The following TET1 variants were observed in gnomAD, a reference collection of about 807,000 sequenced individuals.
The protein encoded by TET1 is methylcytosine dioxygenase TET1.
Under a neutral mutation model 148.7 loss-of-function variants are expected in TET1, and 13 were observed. The ratio of observed to expected loss-of-function variants is 0.09; its 90% CI spans 0.06 to 0.14. The LOEUF (loss-of-function observed/expected upper bound fraction) is 0.14, where lower values mean the gene tolerates loss of function less well. Ranked by LOEUF, TET1 falls within the 10% of genes least tolerant of loss-of-function variation. The pLI is 1.00. For missense variants in TET1, 2,182 were observed against 2,553.8 expected, an observed-to-expected ratio of 0.85 and a Z score of 3.14; for synonymous variants, 907 against 937.2, an observed-to-expected ratio of 0.97 and a Z score of 0.59.
At chr10:68,576,158 C>T (rs1221199621) in intron 2 of TET1, among the ~76,000 whole-genome samples, 2 of 152,110 alleles carry the variant, frequency 1.3e-5, no homozygotes, top group Non-Finnish European at 2.9e-5. Flanking sequence ...CGAGACCAGC[C>T]TGGCCAACCT....
chr10:68,611,657 T>G (rs1240933525), intron 3 of TET1, among the ~76,000 whole-genome samples: 1 of 138,002 alleles, frequency 7.2e-6, no homozygotes, highest in Non-Finnish European at 1.6e-5. Context: ...TTTCTTTCTT[T>G]TCTTTTCTTT....
rs181381235 is a variant in TET1, at chr10:68,673,692, T to C, written c.4824+647T>C. On this transcript the variant is annotated intron_variant, in intron 8 of 11. Transcript: ENST00000373644. The stretch of plus-strand genomic sequence containing the variant: ...GTTTGTGTAGTGAGGATTTATATAT[T>C]GATTAACTATAAGATTGATATCTTT... Among the ~76,000 whole-genome samples, 27 of 152,164 alleles carry C rather than the reference T, an allele frequency of 1.8e-4. No homozygotes were observed. In the East Asian group the frequency reaches 3.5e-3, roughly 20 times the overall value.
At chr10:68,674,385 C>CTCGGTGGTCGCCGTAT in intron 8 of TET1, 1 of 257,370 alleles carries the variant, frequency 3.9e-6, no homozygotes, top group Non-Finnish European at 7.6e-6. Flanking sequence ...AGTGCTTGAT[C>CTCGGTGGTCGCCGTAT]CATTTTCTAA....
At chr10:68,632,458 G>A in intron 3 of TET1, 1 of 1,612,502 alleles carries the variant, frequency 6.2e-7, no homozygotes, top group Non-Finnish European at 8.5e-7. Flanking sequence ...TACTCCCTGC[G>A]CCCGGCATTC....
intron 6 of TET1, among the ~76,000 whole-genome samples, chr10:68,666,262 C>G (rs918766404): frequency 1.3e-5 from 2 of 151,992 alleles, no homozygotes; most frequent in Admixed American, 1.3e-4. Context: ...TTGCATTCAC[C>G]AAGTCAAGTA....
At chr10:68,632,469 A>C (rs188426629) in intron 3 of TET1, 2 of 1,612,804 alleles carry the variant, frequency 1.2e-6, no homozygotes, top group Admixed American at 3.3e-5. Flanking sequence ...CCCGGCATTC[A>C]ATATTGTATG....
intron 4 of TET1, among the ~76,000 whole-genome samples, chr10:68,650,545 C>A (rs1421750229): frequency 6.6e-6 from 1 of 151,942 alleles, no homozygotes; most frequent in Non-Finnish European, 1.5e-5. Context: ...ACAGGAGAAT[C>A]GCTTGAACCC....
rs1209614187 is a variant in TET1, at chr10:68,572,446, A to C, written c.108A>C (p.Lys36Asn). Reference protein sequence around the residue: ...QLRKTTKGANKNVASVKTLSP... With the variant: ...QLRKTTKGANNNVASVKTLSP... Reference sequence around the variant, plus strand: ...GAAAGACAACCAAGGGAGCCAACAAAAATGTGGCATCAGTCAAGACTTTAA... The same window carrying C: ...GAAAGACAACCAAGGGAGCCAACAACAATGTGGCATCAGTCAAGACTTTAA... The change falls in exon 2 of 12, where the codon AAA (lysine) becomes AAC (asparagine). Residue 36 changes from lysine to asparagine, a missense_variant. This residue lies in a region of TET1 where 665 missense variants were observed against 672.4 expected (regional missense o/e 0.99). Transcript: ENST00000373644. The C allele has an allele frequency of 6.2e-7, 1 of 1,614,084 alleles. No homozygotes were observed. Among genetic ancestry groups the C allele is most frequent in the Non-Finnish European group, 8.5e-7 (1 of 1,180,048 alleles).
chr10:68,664,889 C>G (rs959555944), intron 6 of TET1, among the ~76,000 whole-genome samples: 2 of 151,870 alleles, frequency 1.3e-5, no homozygotes, highest in African/African-American at 2.4e-5. Context: ...ATCCTCCCCC[C>G]TCAGCCTTCT....
chr10:68,646,374 C>T lies in TET1; in HGVS notation c.3645C>T (p.Ser1215=). The change falls in exon 4 of 12, where the codon TCC becomes TCT. Residue 1215 remains serine, a synonymous_variant. Transcript: ENST00000373644. ...DFPTVFGKIS[S]STKIWKPLAQ... is the part of the protein sequence containing the mutation. Reference sequence around the variant, plus strand: ...CTACTGTATTTGGGAAAATTTCTTCCTCGACCAAAATATGGAAACCACTGG... The same window carrying T: ...CTACTGTATTTGGGAAAATTTCTTCTTCGACCAAAATATGGAAACCACTGG... 1 of 1,614,066 alleles carries T rather than the reference C, an allele frequency of 6.2e-7. No homozygotes were observed. Among genetic ancestry groups the T allele is most frequent in the South Asian group, 1.1e-5 (1 of 91,074 alleles).
Position 68,608,329 on chromosome 10 carries a change from A to G in TET1, c.1968+7295A>G, listed in dbSNP as rs545167871. On this transcript the variant is annotated intron_variant, in intron 3 of 11. Coordinates refer to ENST00000373644, the MANE Select transcript of TET1 (RefSeq NM_030625.3). ...CAGCTCACTGCAACCTCCGTCTCCC[A>G]GGTTCAAGCGATTCTCCTACCTCAA... 5.3e-5 allele frequency among the ~76,000 whole-genome samples: 8 copies of G among 151,800 alleles called. No individual in the cohort carries two copies. In the South Asian group the frequency reaches 8.3e-4, roughly 16 times the overall value.
intron 3 of TET1, among the ~76,000 whole-genome samples, chr10:68,615,029 G>A (rs1480856795): frequency 6.6e-6 from 1 of 151,632 alleles, no homozygotes; most frequent in Non-Finnish European, 1.5e-5. Context: ...CCGTCTCCCA[G>A]GTTGAAGCAA....
At chr10:68,603,840 A>G (rs1052024709) in intron 3 of TET1, among the ~76,000 whole-genome samples, 3 of 152,204 alleles carry the variant, frequency 2.0e-5, no homozygotes, top group African/African-American at 7.2e-5. Context: ...CTTCAAAATT[A>G]AAAACTAAAT....
Position 68,573,403 on chromosome 10 carries a change from A to C in TET1, c.1065A>C (p.Gln355His), listed in dbSNP as rs1195451893. 1 of 1,614,106 alleles carries C rather than the reference A, an allele frequency of 6.2e-7. No individual in the cohort carries two copies. Among genetic ancestry groups the C allele is most frequent in the Non-Finnish European group, 8.5e-7 (1 of 1,180,006 alleles). Reference sequence around the variant, plus strand: ...AGGCCTTCGAAGCTACTGCAAATCAACAGGAAGTTTCTGATACCACCTCTT... The same window carrying C: ...AGGCCTTCGAAGCTACTGCAAATCACCAGGAAGTTTCTGATACCACCTCTT... Reference protein sequence around the residue: ...HQEAFEATANQQEVSDTTSFL... With the variant: ...HQEAFEATANHQEVSDTTSFL... The change falls in exon 2 of 12, where the codon CAA becomes CAC. Residue 355 changes from glutamine (Q) to histidine (H), a missense_variant. Gln to His is a conservative substitution (Grantham distance 24). Coordinates refer to ENST00000373644, the MANE Select transcript of TET1 (RefSeq NM_030625.3).
Position 68,646,626 on chromosome 10 carries a change from G to C in TET1, c.3897G>C (p.Leu1299Phe), listed in dbSNP as rs149145995. Residue 1299 changes from leucine to phenylalanine, a missense_variant, in exon 4 of 12, where the codon TTG becomes TTC. This residue lies in a region of TET1 where 582 missense variants were observed against 599.5 expected (regional missense o/e 0.97). Transcript: ENST00000373644. ...TVNANQKAHP[L>F]TQPSSPPNQC... The stretch of plus-strand genomic sequence containing the variant: ...ATGCCAATCAGAAAGCCCATCCTTT[G>C]ACCCAGCCCTCCTCTCCACCTAACC... The C allele has an allele frequency of 4.3e-6, 7 of 1,614,016 alleles. No individual in the cohort carries two copies. The African/African-American group carries it at 8.0e-5, about 18-fold the overall frequency.
In TET1 at chr10:68,595,926, A is replaced by G. The variant is rs1428262323; in HGVS notation, c.1915-5055A>G. ...CACTGCGCCCAGCCAAAACATATAT[A>G]TATATATATATATATATATATATAT... On this transcript the variant is annotated intron_variant, in intron 2 of 11. Transcript: ENST00000373644. Among the ~76,000 whole-genome samples the G allele has an allele frequency of 1.7e-3, 30 of 17,772 alleles. 1 individual carries two copies. The highest frequency in any genetic ancestry group is 3.5e-3 in the African/African-American group (30 of 8,484). The allele number at this position is 17,772 out of a possible 152,430, so 11.7% of individuals were successfully genotyped here.
intron 3 of TET1, among the ~76,000 whole-genome samples, chr10:68,617,057 T>C (rs1397085412): frequency 1.9e-5 from 2 of 106,094 alleles, no homozygotes; most frequent in Admixed American, 1.2e-4. Context: ...GACGGAGTCT[T>C]GCTCTATCGC....
intron 1 of TET1, among the ~76,000 whole-genome samples, chr10:68,570,385 G>A (rs191485190): frequency 0.012 from 1,814 of 151,752 alleles, 18 homozygotes; most frequent in African/African-American, 0.019. Flanking sequence ...GATTACAGGC[G>A]TGAGCCACCG....
chr10:68,636,649 C>T (rs982233749), intron 3 of TET1, among the ~76,000 whole-genome samples: 22 of 152,028 alleles, frequency 1.4e-4, no homozygotes, highest in Non-Finnish European at 3.2e-4. Context: ...ACTACAGCCT[C>T]GGTGATAAAG....
Sources: gnomAD v4.1 joint callset for allele counts (sites outside exome capture counted in the v4.1 genomes callset) on GRCh38, gnomAD v4.1.1 for gene constraint, gnomAD v4.1.1 regional missense constraint, MANE v1.5 for transcripts, NCBI Gene and HGNC (gene_info 2026-07-23, HGNC 2026-07-21) for gene names.